SCAF4: variants seen among roughly 807,000 people sequenced by gnomAD.
SCAF4 encodes the protein SR-related CTD associated factor 4, also known as SR-related and CTD-associated factor 4.
SCAF4 carries 25 observed loss-of-function variants against 129.8 expected under a neutral mutation model. The ratio of observed to expected loss-of-function variants is 0.19; its 90% CI spans 0.14 to 0.27. The LOEUF (loss-of-function observed/expected upper bound fraction) is 0.27, where lower values mean the gene tolerates loss of function less well. SCAF4 is among the 10% of genes least tolerant of loss of function. The pLI, the probability that SCAF4 is intolerant of heterozygous loss-of-function variation, is 1.00. For missense variants in SCAF4, 1,246 were observed against 1,457.1 expected (o/e 0.86, Z 2.36); for synonymous variants, 551 against 497.7 (o/e 1.11, Z -1.43).
At chr21:31,682,211 T>G (rs2050011691) in intron 19 of SCAF4, among the ~76,000 whole-genome samples, 1 of 152,100 alleles carries the variant, frequency 6.6e-6, no homozygotes, top group African/African-American at 2.4e-5. Context: ...AAACCCTGTC[T>G]CTACTAAAAA....
chr21:31,708,358 C>T (rs958101610), intron 1 of SCAF4, among the ~76,000 whole-genome samples: 1 of 148,954 alleles, frequency 6.7e-6, no homozygotes, highest in African/African-American at 2.5e-5. Context: ...CCAGGCCAGG[C>T]GACAGAGCGA....
rs145531704 is a variant in SCAF4, at chr21:31,685,093, G to A, written c.2444C>T (p.Thr815Met). The change falls in exon 19 of 20, where the codon ACG (threonine) becomes ATG (methionine). Residue 815 changes from threonine (T) to methionine (M), a missense_variant. By Grantham distance (81) the Thr-to-Met change is moderately conservative (BLOSUM62 -1). Coordinates refer to ENST00000286835, the MANE Select transcript of SCAF4 (RefSeq NM_020706.2). ...YGSAVPPAAP[T>M]NLPTPPVTQP... ...GGTTACAGGAGGGGTGGGCAGATTC[G>A]TGGGTGCAGCAGGTGGCACGGCAGA... 1.2e-5 allele frequency: 19 copies of A among 1,612,876 alleles called. No individual in the cohort carries two copies. The highest frequency in any genetic ancestry group is 1.5e-5 in the Non-Finnish European group (18 of 1,179,794).
chr21:31,725,884 C>T (rs7283323), intron 1 of SCAF4, among the ~76,000 whole-genome samples: 3,523 of 152,084 alleles, frequency 0.023, 123 homozygotes, highest in African/African-American at 0.08. Context: ...AGAAACGTTA[C>T]TTTTCATTAA....
chr21:31,690,698 C>A (rs938750031), intron 15 of SCAF4, 99 bp downstream of exon 15: 6 of 1,145,384 alleles, frequency 5.2e-6, no homozygotes, highest in Non-Finnish European at 7.4e-6. Context: ...TAAAAAATCT[C>A]AAAAATCACG....
intron 1 of SCAF4, among the ~76,000 whole-genome samples, chr21:31,719,141 T>A (rs905288012): frequency 2.0e-5 from 3 of 152,008 alleles, no homozygotes; most frequent in African/African-American, 7.3e-5. Context: ...ACATACAAAA[T>A]TAGCCGGGCG....
At chr21:31,691,962 T>A (rs780855013) in intron 13 of SCAF4, 32 bp from the exon 14 acceptor site, 1 of 1,212,720 alleles carries the variant, frequency 8.2e-7, no homozygotes, top group South Asian at 1.3e-5. Flanking sequence ...TTATAAAAGA[T>A]AACAAAATTG....
chr21:31,717,882 T>C (rs1259430050), intron 1 of SCAF4, among the ~76,000 whole-genome samples: 2 of 111,192 alleles, frequency 1.8e-5, no homozygotes, highest in African/African-American at 4.3e-5. Flanking sequence ...TATACACATA[T>C]ATACACATAT....
Position 31,703,876 on chromosome 21 carries a change from C to T in SCAF4, c.210G>A (p.Val70=). The T allele has an allele frequency of 6.3e-7, 1 of 1,597,072 alleles. No individual in the cohort carries two copies. The highest frequency in any genetic ancestry group is 8.6e-7 in the Non-Finnish European group (1 of 1,168,052). ...TTCCAAACTGATGACGAGACTGTCG[C>T]ACAATTGAGTCAATTACATATAATC... ...VPGLYVIDSI[V]RQSRHQFGTD... The change falls in exon 4 of 20, where the codon GTG becomes GTA. Residue 70 remains valine (V), a synonymous_variant. Coordinates refer to ENST00000286835, the MANE Select transcript of SCAF4 (RefSeq NM_020706.2).
chr21:31,709,728 G>T (rs1231310874), intron 1 of SCAF4, among the ~76,000 whole-genome samples: 2 of 152,100 alleles, frequency 1.3e-5, no homozygotes, highest in Admixed American at 1.3e-4. Flanking sequence ...TATTATTTGG[G>T]AAGAGAAGAG....
chr21:31,713,005 T>C, intron 1 of SCAF4: 1 of 237,650 alleles, frequency 4.2e-6, no homozygotes, highest in Non-Finnish European at 6.8e-6. Context: ...AAATCAATTA[T>C]ACTGCTCATT....
At chr21:31,689,518 C>T (rs1185778349) in intron 15 of SCAF4, among the ~76,000 whole-genome samples, 3 of 149,342 alleles carry the variant, frequency 2.0e-5, no homozygotes, top group African/African-American at 7.4e-5. Flanking sequence ...CCATGTTGGC[C>T]AGGCTGGTCT....
At chr21:31,693,613 G>A (rs2050312776) in intron 11 of SCAF4, 129 bp from the exon 12 acceptor site, 4 of 477,662 alleles carry the variant, frequency 8.4e-6, no homozygotes, top group South Asian at 1.6e-4. Context: ...TGCAATACCT[G>A]AGAATTCATT....
chr21:31,717,892 TATACAC>T (rs2050968064), intron 1 of SCAF4, among the ~76,000 whole-genome samples: 1 of 108,520 alleles, frequency 9.2e-6, no homozygotes, highest in Non-Finnish European at 1.7e-5. Context: ...TATACACATA[TATACAC>T]ATATATACAC....
chr21:31,712,959 A>G (rs2050840363), intron 1 of SCAF4: 1 of 637,712 alleles, frequency 1.6e-6, no homozygotes, highest in Non-Finnish European at 2.0e-6. Flanking sequence ...CCCCTCTCAC[A>G]TACACCAATC....
At chr21:31,706,147 C>A in intron 2 of SCAF4, 127 bp downstream of exon 2, 2 of 677,030 alleles carry the variant, frequency 3.0e-6, no homozygotes, top group Non-Finnish European at 5.2e-6. Context: ...GTACCTTCAG[C>A]AAAGGCTGGT....
Position 31,685,112 on chromosome 21 carries a change from C to A in SCAF4, c.2425G>T (p.Val809Leu). The change falls in exon 19 of 20, where the codon GTG becomes TTG. Residue 809 changes from valine (V) to leucine (L), a missense_variant. By Grantham distance (32) the Val-to-Leu change is conservative (BLOSUM62 1). Transcript: ENST00000286835. Reference protein sequence around the residue: ...GDSVKMYGSAVPPAAPTNLPT... With the variant: ...GDSVKMYGSALPPAAPTNLPT... ...AGATTCGTGGGTGCAGCAGGTGGCA[C>A]GGCAGAGCCATACATTTTCACGCTG... The A allele has an allele frequency of 6.2e-7, 1 of 1,613,048 alleles. No homozygotes were observed. Among genetic ancestry groups the A allele is most frequent in the Non-Finnish European group, 8.5e-7 (1 of 1,179,774 alleles).
chr21:31,730,432 A>ATG (rs779672409), intron 1 of SCAF4, among the ~76,000 whole-genome samples: 9 of 152,216 alleles, frequency 5.9e-5, no homozygotes, highest in Non-Finnish European at 1.0e-4. Flanking sequence ...GATAATTTAT[A>ATG]TGGCAATAAA....
chr21:31,680,459 AT>A (rs1171434180), intron 19 of SCAF4, among the ~76,000 whole-genome samples: 4 of 152,248 alleles, frequency 2.6e-5, no homozygotes, highest in Non-Finnish European at 5.9e-5. Flanking sequence ...AATAACATTA[AT>A]ACAATAATTA....
chr21:31,684,734 T>G, intron 19 of SCAF4: 1 of 331,812 alleles, frequency 3.0e-6, no homozygotes, highest in Non-Finnish European at 5.7e-6. Flanking sequence ...ACCAATTCCT[T>G]TGCACAGAGA....
Sources: allele counts gnomAD v4.1 joint callset (sites outside exome capture counted in the v4.1 genomes callset), GRCh38; gene constraint gnomAD v4.1.1; transcripts MANE v1.5; gene names NCBI Gene and HGNC (gene_info 2026-07-23, HGNC 2026-07-21).